The following FBXO47 variants were observed in gnomAD, a reference collection of about 807,000 sequenced individuals.
The protein encoded by FBXO47 is F-box protein 47.
In FBXO47, 34 loss-of-function variants were observed where a neutral mutation model predicts 53.9. The ratio of observed to expected loss-of-function variants is 0.63; its 90% CI spans 0.48 to 0.84. FBXO47 has a LOEUF of 0.84. Among genes scored for constraint, FBXO47 ranks in the 40% least tolerant of loss-of-function variants. FBXO47 has a pLI of 0.00. For missense variants in FBXO47, 485 were observed against 541.3 expected, an observed-to-expected ratio of 0.90 and a Z score of 1.03; for synonymous variants, 165 against 181.6, an observed-to-expected ratio of 0.91 and a Z score of 0.73.
intron 9 of FBXO47, among the ~76,000 whole-genome samples, chr17:38,939,021 C>T (rs1008372466): frequency 1.3e-5 from 2 of 151,854 alleles, no homozygotes; most frequent in African/African-American, 4.8e-5. Flanking sequence ...AGGCCAGGCA[C>T]GCTGGCTCAT....
rs1351972845 is a variant in FBXO47 at position 38,943,613 on chromosome 17, A to G, written c.917T>C (p.Ile306Thr). ...STKEWTADDV[I>T]SLVDELSVVP... ...ACCTGATAGTTCATCTACAAGACTG[A>G]TAACATCATCTGCTGTCCACTCTTT... The change falls in exon 8 of 11, where the codon ATC becomes ACC. Residue 306 changes from isoleucine (I) to threonine (T), a missense_variant. By Grantham distance (89) the Ile-to-Thr change is moderately conservative. Transcript: ENST00000378079. The G allele has an allele frequency of 4.4e-6, 7 of 1,594,154 alleles. No individual in the cohort carries two copies. Among genetic ancestry groups the G allele is most frequent in the Non-Finnish European group, 5.1e-6 (6 of 1,172,388 alleles).
At chr17:38,940,671 T>C (rs1904466548) in intron 9 of FBXO47, among the ~76,000 whole-genome samples, 1 of 151,912 alleles carries the variant, frequency 6.6e-6, no homozygotes, top group South Asian at 2.1e-4. Flanking sequence ...CTCCTACTTA[T>C]TCATTTACTT....
At chr17:38,954,658 T>A (rs997024505) in intron 5 of FBXO47, among the ~76,000 whole-genome samples, 198 bp downstream of exon 5, 3 of 152,072 alleles carry the variant, frequency 2.0e-5, no homozygotes, top group Non-Finnish European at 4.4e-5. Flanking sequence ...TGTCAAACAT[T>A]TTTTACCACT....
At position 38,956,461 on chromosome 17, in the gene FBXO47, G is replaced by C. The variant is rs188610410; in HGVS notation, c.429+716C>G. 3.2e-3 allele frequency among the ~76,000 whole-genome samples: 488 copies of C among 152,016 alleles called. 9 individuals carry two copies. The highest frequency in any genetic ancestry group is 3.5e-4 in the Non-Finnish European group (24 of 67,988). ...AACTTAGCCAGGTGTGGTGGTGGGT[G>C]CCTGTAATCCCAGCTACTCAGGAGG... On this transcript the variant is annotated intron_variant, in intron 4 of 10. Transcript: ENST00000378079.
intron 3 of FBXO47, among the ~76,000 whole-genome samples, chr17:38,960,630 C>CTTTTTT (rs947161295): frequency 7.5e-6 from 1 of 132,520 alleles, no homozygotes. Context: ...AATTCTTTCT[C>CTTTTTT]TTTTTTTTTT....
intron 6 of FBXO47, among the ~76,000 whole-genome samples, chr17:38,946,146 A>ATG (rs1904777897): frequency 8.1e-6 from 1 of 123,498 alleles, no homozygotes; most frequent in Non-Finnish European, 1.6e-5. Flanking sequence ...ATAAATATAT[A>ATG]AATACATAAA....
At chr17:38,959,561 C>T (rs952577234) in intron 3 of FBXO47, among the ~76,000 whole-genome samples, 1 of 109,162 alleles carries the variant, frequency 9.2e-6, no homozygotes, top group East Asian at 2.9e-4. Context: ...GTCTGGGCAA[C>T]AGAGTGAGAC....
chr17:38,939,524 G>T (rs1316415054), intron 9 of FBXO47, among the ~76,000 whole-genome samples: 2 of 149,208 alleles, frequency 1.3e-5, no homozygotes, highest in Non-Finnish European at 3.0e-5. Flanking sequence ...ATAAGCAAGA[G>T]AATTCTATGG....
chr17:38,961,934 G>A lies in FBXO47; in HGVS notation c.295C>T (p.Leu99Phe). ...KRLLLQDFHN[L>F]ELPDRRQDSA... ...TCTTGTCTCCTGTCAGGCAGCTCAA[G>A]GTTATGAAAGTCCTGTAGTAAAAGT... is the stretch of plus-strand genomic sequence containing the variant. Residue 99 changes from leucine (L) to phenylalanine (F), a missense_variant, in exon 3 of 11, where the codon CTT becomes TTT. Physicochemically the swap from Leu to Phe is conservative, Grantham distance 22 (BLOSUM62 0). Transcript: ENST00000378079. 1 of 1,614,050 alleles carries A rather than the reference G, an allele frequency of 6.2e-7. No individual in the cohort carries two copies. Among genetic ancestry groups the A allele is most frequent in the South Asian group, 1.1e-5 (1 of 91,074 alleles).
In FBXO47 at chr17:38,943,701, T is replaced by C. The variant is rs575278037; in HGVS notation, c.829A>G (p.Thr277Ala). The change falls in exon 8 of 11, where the codon ACA (threonine) becomes GCA (alanine). Residue 277 changes from threonine (T) to alanine (A), a missense_variant. Coordinates refer to ENST00000378079, the MANE Select transcript of FBXO47 (RefSeq NM_001008777.3). ...AAACCTTTCAGACTGAATTCATCTGTAGGTTCTTCTATCATTTCCTGCCAA... is the reference window on the plus strand; with the variant it reads ...AAACCTTTCAGACTGAATTCATCTGCAGGTTCTTCTATCATTTCCTGCCAA... ...VVWQEMIEEPTDEFSLKGLAD... is the reference protein window; with the variant it reads ...VVWQEMIEEPADEFSLKGLAD... 3.1e-6 allele frequency: 5 copies of C among 1,609,622 alleles called. No individual in the cohort carries two copies. The South Asian group carries it at 5.5e-5, about 18-fold the overall frequency.
chr17:38,941,232 C>T (rs534798073), intron 9 of FBXO47, among the ~76,000 whole-genome samples: 6 of 151,616 alleles, frequency 4.0e-5, no homozygotes, highest in Non-Finnish European at 8.8e-5. Context: ...AGTGCAGTGG[C>T]ATGATCTGCT....
At chr17:38,947,107 C>CATATATATATAAACATATATATAA (rs1904983119) in intron 6 of FBXO47, among the ~76,000 whole-genome samples, 20 of 90,318 alleles carry the variant, frequency 2.2e-4, no homozygotes, top group African/African-American at 5.7e-4. Context: ...TATATATAAA[C>CATATATATATAAACATATATATAA]ATATATATAT....
Position 38,951,612 on chromosome 17 carries a change from G to A in FBXO47, c.585C>T (p.Arg195=), listed in dbSNP as rs1379122541. ...NFLCELTNLC[R]KIQMAVCSKP... Reference sequence around the variant, plus strand: ...TGCTGCAGACAGCCATTTGTATCTTGCGGCAGAGATTAGTCAGTTCGCATA... The same window carrying A: ...TGCTGCAGACAGCCATTTGTATCTTACGGCAGAGATTAGTCAGTTCGCATA... The change falls in exon 6 of 11, where the codon CGC becomes CGT. Residue 195 remains arginine, a synonymous_variant. Transcript: ENST00000378079. 4 of 1,613,740 alleles carry A rather than the reference G, an allele frequency of 2.5e-6. No individual in the cohort carries two copies. The Admixed American group carries it at 5.0e-5, about 20-fold the overall frequency.
chr17:38,963,467 G>A (rs1302061038), intron 1 of FBXO47, among the ~76,000 whole-genome samples: 1 of 152,082 alleles, frequency 6.6e-6, no homozygotes, highest in Non-Finnish European at 1.5e-5. Context: ...ATGAACCACT[G>A]AACCTGGCCC....
chr17:38,966,292 C>T (rs1334254586), intron 1 of FBXO47, among the ~76,000 whole-genome samples: 1 of 151,140 alleles, frequency 6.6e-6, no homozygotes, highest in Non-Finnish European at 1.5e-5. Flanking sequence ...AGCTCCGCCT[C>T]CCGGGTTCAA....
At chr17:38,944,011 G>A (rs892373505) in intron 7 of FBXO47, among the ~76,000 whole-genome samples, 3 of 151,792 alleles carry the variant, frequency 2.0e-5, no homozygotes, top group African/African-American at 7.3e-5. Context: ...GTGAAACCCT[G>A]TCTCTACTAA....
intron 6 of FBXO47, among the ~76,000 whole-genome samples, chr17:38,947,386 A>G (rs1156980680): frequency 6.6e-6 from 1 of 152,002 alleles, no homozygotes. Context: ...GTGCAGTGGC[A>G]TGACTGATCA....
At chr17:38,938,458 A>G in intron 10 of FBXO47, 115 bp downstream of exon 10, 1 of 753,446 alleles carries the variant, frequency 1.3e-6, no homozygotes, top group South Asian at 3.0e-5. Context: ...CAACATAGAA[A>G]TAGCTTTTTT....
rs1598143075 is a variant in FBXO47, at chr17:38,948,715, A to G, written c.616+2866T>C. 7.9e-5 allele frequency among the ~76,000 whole-genome samples: 12 copies of G among 152,122 alleles called. 3 individuals are homozygous for G. Among genetic ancestry groups the G allele is most frequent in the Admixed American group, 7.9e-4 (12 of 15,254 alleles). On this transcript the variant is annotated intron_variant, in intron 6 of 10. Transcript: ENST00000378079. ...GTTACACAGGTAAACGTGTACCATGATAGTTTGCTGCACAGATCATCCCAT... is the reference window on the plus strand; with the variant it reads ...GTTACACAGGTAAACGTGTACCATGGTAGTTTGCTGCACAGATCATCCCAT...
Sources: allele counts gnomAD v4.1 joint callset (sites outside exome capture counted in the v4.1 genomes callset), GRCh38; gene constraint gnomAD v4.1.1; transcripts MANE v1.5; gene names NCBI Gene and HGNC (gene_info 2026-07-23, HGNC 2026-07-21).